RBFOX1: variants seen among roughly 807,000 people sequenced by gnomAD.
RBFOX1 encodes RNA binding protein fox-1 homolog 1.
RBFOX1 carries 8 observed loss-of-function variants against 57.7 expected under a neutral mutation model. The ratio of observed to expected loss-of-function variants is 0.14; its 90% CI spans 0.08 to 0.25. The LOEUF (loss-of-function observed/expected upper bound fraction) is 0.25, where lower values mean the gene tolerates loss of function less well. RBFOX1 is among the 10% of genes least tolerant of loss of function. The probability of loss-of-function intolerance (pLI) is 1.00; values close to 1 mark genes in which losing one functional copy is unlikely to be tolerated. For synonymous variants in RBFOX1, 326 were observed against 222.4 expected (o/e 1.47, Z -4.15); for missense variants, 611 against 548.5 (o/e 1.11, Z -1.14).
At chr16:7,069,348 T>C (rs755367370) in intron 4 of RBFOX1, among the ~76,000 whole-genome samples, 3 of 152,132 alleles carry the variant, frequency 2.0e-5, no homozygotes, top group Non-Finnish European at 4.4e-5. Context: ...ATGCTCTCCC[T>C]CCCATCAGTC....
chr16:6,483,199 C>T, intron 2 of RBFOX1: 2 of 1,187,808 alleles, frequency 1.7e-6, no homozygotes, highest in African/African-American at 1.6e-5. Context: ...GGACAGAGGC[C>T]GAGGCCGGCC....
chr16:6,047,570 C>T (rs995196655), intron 1 of RBFOX1, among the ~76,000 whole-genome samples: 5 of 152,116 alleles, frequency 3.3e-5, no homozygotes, highest in African/African-American at 1.2e-4. Flanking sequence ...AGGGAATGGA[C>T]AACAATACAG....
chr16:5,856,150 G>GTTCT (rs2057025085), intron 3 of RBFOX1, among the ~76,000 whole-genome samples: 1 of 38,804 alleles, frequency 2.6e-5, no homozygotes, highest in African/African-American at 1.3e-4. Context: ...AGTCTTTATG[G>GTTCT]TTCTCTCTCT....
At chr16:5,665,545 C>A (rs1052500094) in intron 3 of RBFOX1, among the ~76,000 whole-genome samples, 2 of 152,202 alleles carry the variant, frequency 1.3e-5, no homozygotes, top group African/African-American at 4.8e-5. Flanking sequence ...TTTGCTGTTT[C>A]CCTGACCAGC....
At chr16:7,129,617 T>C (rs977337550) in intron 4 of RBFOX1, among the ~76,000 whole-genome samples, 2 of 152,044 alleles carry the variant, frequency 1.3e-5, no homozygotes, top group African/African-American at 4.8e-5. Context: ...ATGCATCTGA[T>C]TGTTGACTAG....
intron 3 of RBFOX1, among the ~76,000 whole-genome samples, chr16:5,701,994 T>C (rs2051065903): frequency 6.6e-6 from 1 of 152,152 alleles, no homozygotes; most frequent in African/African-American, 2.4e-5. Flanking sequence ...GAAGAATGCC[T>C]GGTAGAAAGT....
At chr16:7,596,921 A>C (rs1361376152) in intron 8 of RBFOX1, among the ~76,000 whole-genome samples, 1 of 152,200 alleles carries the variant, frequency 6.6e-6, no homozygotes, top group African/African-American at 2.4e-5. Context: ...AGTGTTGCAC[A>C]CGGCTAAGAC....
chr16:6,421,225 G>C (rs1789493775), intron 2 of RBFOX1, among the ~76,000 whole-genome samples: 1 of 152,154 alleles, frequency 6.6e-6, no homozygotes, highest in African/African-American at 2.4e-5. Flanking sequence ...CTCTCCTTCG[G>C]GAGGGGACAG....
intron 2 of RBFOX1, among the ~76,000 whole-genome samples, chr16:6,403,514 C>T (rs142846613): frequency 1.1e-3 from 164 of 152,112 alleles, no homozygotes; most frequent in Non-Finnish European, 1.9e-3. Flanking sequence ...CAGGCGAGTG[C>T]CACTACAGTT....
intron 3 of RBFOX1, among the ~76,000 whole-genome samples, chr16:5,642,210 G>T (rs2048902471): frequency 6.6e-6 from 1 of 152,216 alleles, no homozygotes; most frequent in Non-Finnish European, 1.5e-5. Flanking sequence ...GCCCAAGCAG[G>T]CAAAGGAAAG....
At chr16:6,924,663 C>T (rs1202124549) in intron 3 of RBFOX1, among the ~76,000 whole-genome samples, 4 of 147,920 alleles carry the variant, frequency 2.7e-5, no homozygotes, top group Non-Finnish European at 6.1e-5. Flanking sequence ...AATATTTCTA[C>T]CTTTATTCTT....
At chr16:6,545,709 A>C (rs1254868062) in intron 2 of RBFOX1, among the ~76,000 whole-genome samples, 4 of 152,236 alleles carry the variant, frequency 2.6e-5, no homozygotes, top group African/African-American at 9.6e-5. Flanking sequence ...GCTGAATAAA[A>C]GGTGCTTCAA....
At chr16:6,413,891 A>T (rs888704568) in intron 2 of RBFOX1, among the ~76,000 whole-genome samples, 1 of 152,204 alleles carries the variant, frequency 6.6e-6, no homozygotes, top group Non-Finnish European at 1.5e-5. Flanking sequence ...GACAAAGAGG[A>T]ACTCTTAGCG....
At chr16:5,353,155 C>G (rs1195756899) in intron 1 of RBFOX1, among the ~76,000 whole-genome samples, 5 of 152,090 alleles carry the variant, frequency 3.3e-5, no homozygotes, top group African/African-American at 1.2e-4. Context: ...GGGTGGATCA[C>G]CTGAGGTTAG....
intron 1 of RBFOX1, among the ~76,000 whole-genome samples, chr16:6,028,912 T>C (rs1482207989): frequency 1.3e-5 from 2 of 152,194 alleles, no homozygotes; most frequent in Admixed American, 6.5e-5. Context: ...TACACTTAAC[T>C]TGTGGATCCA....
At chr16:6,767,453 GT>G (rs956766939) in intron 3 of RBFOX1, among the ~76,000 whole-genome samples, 64 of 152,184 alleles carry the variant, frequency 4.2e-4, no homozygotes, top group African/African-American at 1.5e-3. Context: ...TTATCCTGAG[GT>G]TTTTCACTTA....
intron 3 of RBFOX1, among the ~76,000 whole-genome samples, chr16:6,817,520 C>G (rs945139721): frequency 6.9e-6 from 1 of 144,928 alleles, no homozygotes; most frequent in Non-Finnish European, 1.5e-5. Flanking sequence ...ATGGTGAAAC[C>G]CTTTCTTTGC....
chr16:6,949,600 C>T (rs1598147707), intron 3 of RBFOX1, among the ~76,000 whole-genome samples: 2 of 151,948 alleles, frequency 1.3e-5, no homozygotes, highest in Admixed American at 6.6e-5. Flanking sequence ...TGCCTACGTG[C>T]ATCTTGGATA....
At chr16:6,201,286 T>C (rs1006071238) in intron 1 of RBFOX1, among the ~76,000 whole-genome samples, 2 of 152,312 alleles carry the variant, frequency 1.3e-5, no homozygotes, top group Admixed American at 6.5e-5. Flanking sequence ...AGACCTCTTC[T>C]TTATAAGGGT....
Sources: gnomAD v4.1 joint callset for allele counts (sites outside exome capture counted in the v4.1 genomes callset) on GRCh38, gnomAD v4.1.1 for gene constraint, MANE v1.5 for transcripts, NCBI Gene and HGNC (gene_info 2026-07-23, HGNC 2026-07-21) for gene names.